Variants in MAP1B observed in about 807,000 individuals in gnomAD.
MAP1B encodes the protein microtubule-associated protein 1B.
Under a neutral mutation model 176.1 loss-of-function variants are expected in MAP1B, and 12 were observed. That is an observed-to-expected ratio of 0.07 (90% CI 0.04 to 0.11). The LOEUF (loss-of-function observed/expected upper bound fraction) is 0.11. Ranked by LOEUF, MAP1B falls within the 10% of genes least tolerant of loss-of-function variation. MAP1B has a pLI of 1.00. For missense variants in MAP1B, 2,523 were observed against 2,990.5 expected (o/e 0.84, Z 3.65); for synonymous variants, 1,044 against 1,135.0 (o/e 0.92, Z 1.61).
At chr5:72,190,460 C>G (rs1747003022) in intron 4 of MAP1B, among the ~76,000 whole-genome samples, 1 of 152,136 alleles carries the variant, frequency 6.6e-6, no homozygotes, top group Non-Finnish European at 1.5e-5. Context: ...TGTAGTTTAC[C>G]CTGCTGGTTT....
In MAP1B at chr5:72,198,764, T is replaced by C. The variant is rs757364859; in HGVS notation, c.5409T>C (p.Ser1803=). The C allele has an allele frequency of 2.1e-5, 34 of 1,614,108 alleles. No individual in the cohort carries two copies. Among genetic ancestry groups the C allele is most frequent in the Non-Finnish European group, 2.7e-5 (32 of 1,180,054 alleles). ...SPLYSPTFSD[S]TSAVKEKTAT... is the part of the protein sequence containing the mutation. ...TATATTCACCTACTTTTTCAGATTC[T>C]ACCTCTGCAGTCAAAGAGAAAACAG... The change falls in exon 5 of 7, where the codon TCT becomes TCC. Residue 1803 remains serine (S), a synonymous_variant. Coordinates refer to ENST00000296755, the MANE Select transcript of MAP1B (RefSeq NM_005909.5).
At chr5:72,164,099 T>G (rs1212080879) in intron 2 of MAP1B, among the ~76,000 whole-genome samples, 3 of 151,790 alleles carry the variant, frequency 2.0e-5, no homozygotes, top group African/African-American at 7.3e-5. Context: ...CCACCACACC[T>G]GGCTAATTTT....
At chr5:72,179,522 TC>T (rs972144454) in intron 2 of MAP1B, 7 of 665,348 alleles carry the variant, frequency 1.1e-5, no homozygotes, top group Non-Finnish European at 1.1e-5. Context: ...TTTGTGAGCA[TC>T]CCAGCCGCCT....
rs1747267543 is a variant in MAP1B, at chr5:72,199,323, G to A, written c.5968G>A (p.Gly1990Ser). The A allele has an allele frequency of 6.2e-7, 1 of 1,614,060 alleles. No homozygotes were observed. The highest frequency in any genetic ancestry group is 2.2e-5 in the East Asian group (1 of 44,872). ...SRRLLDDISN[G>S]YDDSEDGGHT... Reference sequence around the variant, plus strand: ...AAGGCTTCTGGATGACATCAGCAATGGCTATGATGACTCTGAGGATGGTGG... The same window carrying A: ...AAGGCTTCTGGATGACATCAGCAATAGCTATGATGACTCTGAGGATGGTGG... The change falls in exon 5 of 7, where the codon GGC becomes AGC. Residue 1990 changes from glycine (G) to serine (S), a missense_variant. Gly to Ser is a moderately conservative substitution (Grantham distance 56, BLOSUM62 0). Around this residue, in one of 4 missense-constraint regions of MAP1B, gnomAD observed 1,925 missense variants for 2,126.0 expected, o/e 0.91. Coordinates refer to ENST00000296755, the MANE Select transcript of MAP1B (RefSeq NM_005909.5). The surrounding 1 kb of genome is among the most constrained non-coding windows in gnomAD (Gnocchi z 4.2).
intron 2 of MAP1B, among the ~76,000 whole-genome samples, chr5:72,120,096 G>T (rs981676942): frequency 6.6e-6 from 1 of 152,272 alleles, no homozygotes; most frequent in South Asian, 2.1e-4. Context: ...ATTATCTGTC[G>T]TAGACAGACA....
intron 2 of MAP1B, among the ~76,000 whole-genome samples, chr5:72,144,452 G>A (rs1368818473): frequency 6.6e-6 from 1 of 152,050 alleles, no homozygotes; most frequent in Non-Finnish European, 1.5e-5. Flanking sequence ...ATGGTGCAGG[G>A]ATGCGATCAT....
chr5:72,143,583 T>A (rs558878744), intron 2 of MAP1B, among the ~76,000 whole-genome samples: 1 of 152,326 alleles, frequency 6.6e-6, no homozygotes, highest in East Asian at 1.9e-4. Context: ...CAGTAGTTTT[T>A]TTCTAAACTA....
At chr5:72,164,623 A>T (rs1305012761) in intron 2 of MAP1B, among the ~76,000 whole-genome samples, 1 of 152,152 alleles carries the variant, frequency 6.6e-6, no homozygotes, top group African/African-American at 2.4e-5. Context: ...GCAAAGGATC[A>T]TGGAAATCAT....
chr5:72,109,153 C>T (rs1745250900), intron 1 of MAP1B, among the ~76,000 whole-genome samples: 1 of 151,754 alleles, frequency 6.6e-6, no homozygotes, highest in Non-Finnish European at 1.5e-5. Context: ...GTCCCCAGAA[C>T]AAAAGGCTGC....
chr5:72,133,685 C>T lies in MAP1B; in HGVS notation c.286+17886C>T, dbSNP rs568911661. 2.0e-5 allele frequency among the ~76,000 whole-genome samples: 3 copies of T among 152,256 alleles called. No individual in the cohort carries two copies. The South Asian group carries it at 6.2e-4, about 32-fold the overall frequency. On this transcript the variant is annotated intron_variant, in intron 2 of 6. Coordinates refer to ENST00000296755, the MANE Select transcript of MAP1B (RefSeq NM_005909.5). ...TTTAAGAGATGTTTAAATAACAATG[C>T]TTTTACAAAATACAAAGACAGTCTT...
In MAP1B at chr5:72,197,983, A is replaced by G. The variant is rs1244506693; in HGVS notation, c.4628A>G (p.Tyr1543Cys). Residue 1543 changes from tyrosine to cysteine, a missense_variant, in exon 5 of 7, where the codon TAC becomes TGC. By Grantham distance (194) the Tyr-to-Cys change is radical (BLOSUM62 -2). This residue lies in a region of MAP1B where 1,925 missense variants were observed against 2,126.0 expected (regional missense o/e 0.91). Transcript: ENST00000296755. Reference sequence around the variant, plus strand: ...GATGAGGGCGTAGCAGAAGACACGTACTCTCATATGGAGGGTGTGGCCTCA... The same window carrying G: ...GATGAGGGCGTAGCAGAAGACACGTGCTCTCATATGGAGGGTGTGGCCTCA... ...PVDEGVAEDT[Y>C]SHMEGVASVS... 2 of 1,613,996 alleles carry G rather than the reference A, an allele frequency of 1.2e-6. No homozygotes were observed. The highest frequency in any genetic ancestry group is 1.7e-6 in the Non-Finnish European group (2 of 1,180,020).
At position 72,197,257 on chromosome 5, in the gene MAP1B, T is replaced by C; in HGVS notation, c.3902T>C (p.Val1301Ala). The C allele has an allele frequency of 6.2e-7, 1 of 1,614,172 alleles. No homozygotes were observed. Among genetic ancestry groups the C allele is most frequent in the Non-Finnish European group, 8.5e-7 (1 of 1,180,026 alleles). The change falls in exon 5 of 7, where the codon GTG becomes GCG. Residue 1301 changes from valine (V) to alanine (A), a missense_variant. By Grantham distance (64) the Val-to-Ala change is moderately conservative (BLOSUM62 0). Coordinates refer to ENST00000296755, the MANE Select transcript of MAP1B (RefSeq NM_005909.5). The stretch of plus-strand genomic sequence containing the variant: ...GAAGTAGCCCCGGTGTCTCCTGAGG[T>C]GACCCAAGAAGTAGTTGAAGAACAT... ...EAEVAPVSPE[V>A]TQEVVEEHCA...
chr5:72,141,937 A>T (rs1745955387), intron 2 of MAP1B, among the ~76,000 whole-genome samples: 1 of 152,174 alleles, frequency 6.6e-6, no homozygotes, highest in South Asian at 2.1e-4. Context: ...TGGAGCAAGG[A>T]ACTCTCACTG....
chr5:72,153,740 G>T (rs1206485483), intron 2 of MAP1B, among the ~76,000 whole-genome samples: 4 of 151,940 alleles, frequency 2.6e-5, no homozygotes, highest in Non-Finnish European at 5.9e-5. Flanking sequence ...TTTTTGGAAA[G>T]ATTCCTTTCC....
At position 72,113,517 on chromosome 5, in the gene MAP1B, C is replaced by T. The variant is rs561668521; in HGVS notation, c.185-2181C>T. ...AAAGCAAACATTTAATTGTGTGTGC[C>T]ATGACAAGTTAACTGAAGCCAAGGG... On this transcript the variant is annotated intron_variant, in intron 1 of 6. Transcript: ENST00000296755. Among the ~76,000 whole-genome samples, 29 of 152,220 alleles carry T rather than the reference C, an allele frequency of 1.9e-4. No homozygotes were observed. In the South Asian group the frequency reaches 6.0e-3, roughly 32 times the overall value.
chr5:72,167,850 T>TA (rs1477900101), intron 2 of MAP1B, among the ~76,000 whole-genome samples: 4 of 152,186 alleles, frequency 2.6e-5, no homozygotes, highest in African/African-American at 9.7e-5. Context: ...ACTTTTATAA[T>TA]GAATTTGATT....
chr5:72,178,356 G>A (rs1050650237), intron 2 of MAP1B, among the ~76,000 whole-genome samples: 15 of 152,150 alleles, frequency 9.9e-5, no homozygotes, highest in African/African-American at 3.4e-4. Flanking sequence ...TTTCTTGATC[G>A]ACCAAACTTT....
chr5:72,126,957 T>A (rs1253198713), intron 2 of MAP1B, among the ~76,000 whole-genome samples: 2 of 152,382 alleles, frequency 1.3e-5, no homozygotes, highest in Admixed American at 1.3e-4. Flanking sequence ...ATGGGTGTTT[T>A]ATCTTCACAG....
At chr5:72,158,322 T>G (rs1450763224) in intron 2 of MAP1B, among the ~76,000 whole-genome samples, 1 of 152,108 alleles carries the variant, frequency 6.6e-6, no homozygotes, top group Non-Finnish European at 1.5e-5. Flanking sequence ...CCCCGATTCT[T>G]ATGATAGCCC....
Sources: gnomAD v4.1 joint callset for allele counts (sites outside exome capture counted in the v4.1 genomes callset) on GRCh38, gnomAD v4.1.1 for gene constraint, gnomAD v4.1.1 regional missense constraint, Gnocchi (gnomAD v3.1) non-coding constraint, MANE v1.5 for transcripts, NCBI Gene and HGNC (gene_info 2026-07-23, HGNC 2026-07-21) for gene names.